C1orf226: variants seen among roughly 807,000 people sequenced by gnomAD.
C1orf226 encodes chromosome 1 open reading frame 226.
C1orf226 carries 4 observed loss-of-function variants against 10.5 expected under a neutral mutation model. The observed-to-expected ratio is 0.38, with a 90% CI of 0.19 to 0.87. The LOEUF (loss-of-function observed/expected upper bound fraction) is 0.87, where lower values mean the gene tolerates loss of function less well. Among genes scored for constraint, C1orf226 ranks in the 40% least tolerant of loss-of-function variants. C1orf226 has a pLI of 0.41. For synonymous variants in C1orf226, 125 were observed against 139.3 expected, an observed-to-expected ratio of 0.90 and a Z score of 0.72; for missense variants, 313 against 336.2, an observed-to-expected ratio of 0.93 and a Z score of 0.54.
Position 162,381,926 on chromosome 1 carries a change from C to T in C1orf226, c.25C>T (p.Leu9Phe). The change falls in exon 1 of 2, where the codon CTC becomes TTC. Residue 9 changes from leucine (L) to phenylalanine (F), a missense_variant. Physicochemically the swap from Leu to Phe is conservative, Grantham distance 22 (BLOSUM62 0). Coordinates refer to ENST00000458626, the MANE Select transcript of C1orf226 (RefSeq NM_001085375.2). MFENLNTA[L>F]TPKLQASRSF... ...CATGTTTGAGAATTTGAACACAGCC[C>T]TCACTCCAAAGCTCCAGGCCAGCCG... The T allele has an allele frequency of 6.2e-7, 1 of 1,612,878 alleles. No individual in the cohort carries two copies. Among genetic ancestry groups the T allele is most frequent in the Non-Finnish European group, 8.5e-7 (1 of 1,179,882 alleles).
In C1orf226 at chr1:162,386,597, A is replaced by G. The variant is rs2101850721; in HGVS notation, c.*2914A>G. ...GCAGGAGGCTGGTGTATCCCCCTGC[A>G]CAGAGGGAAGTGTATCTGAATGTTG... On this transcript the variant is annotated 3_prime_UTR_variant, in exon 2 of 2. Transcript: ENST00000458626. The G allele has an allele frequency of 6.6e-6, 1 of 152,384 alleles. No individual in the cohort carries two copies. The highest frequency in any genetic ancestry group is 1.9e-4 in the East Asian group (1 of 5,182). The allele number at this position is 152,384 out of a possible 1,614,324, so 9.4% of individuals were successfully genotyped here.
At chr1:162,380,556 C>T (rs1321349533), upstream of C1orf226, among the ~76,000 whole-genome samples, 1 of 152,226 alleles carries the variant, frequency 6.6e-6, no homozygotes, top group East Asian at 1.9e-4. Flanking sequence ...CAGAGGTGTT[C>T]ACAAGGAAAG....
Position 162,383,345 on chromosome 1 carries a change from G to A in C1orf226, c.481G>A (p.Asp161Asn), listed in dbSNP as rs758152587. The A allele has an allele frequency of 6.2e-6, 10 of 1,607,400 alleles. No homozygotes were observed. In the South Asian group the frequency reaches 1.1e-4, roughly 18 times the overall value. Residue 161 changes from aspartate to asparagine, a missense_variant, in exon 2 of 2, where the codon GAC becomes AAC. Coordinates refer to ENST00000458626, the MANE Select transcript of C1orf226 (RefSeq NM_001085375.2). ...AGAGCCATCACCTGGGCAGGCCCAG[G>A]ACTCCGCTCCCACTGCCCAGCCTGA... Reference protein sequence around the residue: ...GTEPSPGQAQDSAPTAQPDVP... With the variant: ...GTEPSPGQAQNSAPTAQPDVP...
upstream of C1orf226, among the ~76,000 whole-genome samples, chr1:162,380,813 C>T (rs1354274040): frequency 6.6e-6 from 1 of 152,184 alleles, no homozygotes; most frequent in Non-Finnish European, 1.5e-5. Flanking sequence ...CCTTGGCCAC[C>T]ACAATTTTCT....
At position 162,381,778 on chromosome 1, in the gene C1orf226, A is replaced by C. The variant is rs1308601585; in HGVS notation, c.-124A>C. On this transcript the variant is annotated 5_prime_UTR_variant, in exon 1 of 2. Transcript: ENST00000458626. ...TGCTGGCTCTTTCTTGAATATTTCC[A>C]AAGCCTTGGAAGTTACAGGTTTTGG... is the stretch of plus-strand genomic sequence containing the variant. 29 of 1,495,418 alleles carry C rather than the reference A, an allele frequency of 1.9e-5. No homozygotes were observed. The highest frequency in any genetic ancestry group is 2.6e-5 in the Non-Finnish European group (29 of 1,127,642). 92.6% of individuals were successfully genotyped at this position (1,495,418 alleles called of 1,614,324 possible). A position where few individuals can be genotyped will look rare whatever the true frequency, so the allele number is the denominator to read the frequency against.
Position 162,381,835 on chromosome 1 carries a change from C to G in C1orf226, c.-67C>G. 6.3e-7 allele frequency: 1 copy of G among 1,588,144 alleles called. No individual in the cohort carries two copies. The highest frequency in any genetic ancestry group is 8.5e-7 in the Non-Finnish European group (1 of 1,171,460). Reference sequence around the variant, plus strand: ...GATAAGGAAAAACTGAATGATAGAGCACAGGTACCGCTCCCCTTTCCTCAT... The same window carrying G: ...GATAAGGAAAAACTGAATGATAGAGGACAGGTACCGCTCCCCTTTCCTCAT... On this transcript the variant is annotated 5_prime_UTR_variant, in exon 1 of 2. Transcript: ENST00000458626.
In C1orf226 at chr1:162,382,197, A is replaced by T; in HGVS notation, c.296A>T (p.Glu99Val). Reference sequence around the variant, plus strand: ...GCCAGTGGGACTGACGCGGCTCCAGAGGCTTGGCTAGAGGATGAAAGGTGA... The same window carrying T: ...GCCAGTGGGACTGACGCGGCTCCAGTGGCTTGGCTAGAGGATGAAAGGTGA... ...QLASGTDAAP[E>V]AWLEDERSVL... The change falls in exon 1 of 2, where the codon GAG becomes GTG. Residue 99 changes from glutamate (E) to valine (V), a missense_variant. Coordinates refer to ENST00000458626, the MANE Select transcript of C1orf226 (RefSeq NM_001085375.2). 1 of 1,575,174 alleles carries T rather than the reference A, an allele frequency of 6.3e-7. No homozygotes were observed. Among genetic ancestry groups the T allele is most frequent in the Non-Finnish European group, 8.6e-7 (1 of 1,161,310 alleles).
Position 162,385,034 on chromosome 1 carries a change from G to A in C1orf226, c.*1351G>A, listed in dbSNP as rs943850872. 3 of 152,634 alleles carry A rather than the reference G, an allele frequency of 2.0e-5. No individual in the cohort carries two copies. Among genetic ancestry groups the A allele is most frequent in the African/African-American group, 4.8e-5 (2 of 41,426 alleles). The allele number at this position is 152,634 out of a possible 1,614,324, so 9.5% of individuals were successfully genotyped here. A position where few individuals can be genotyped will look rare whatever the true frequency, so the allele number is the denominator to read the frequency against. ...TCCTGTGACCAGCAGATCCTGTAAGGGGGTGATCCTAATTCTGGGGCTCTT... is the reference window on the plus strand; with the variant it reads ...TCCTGTGACCAGCAGATCCTGTAAGAGGGTGATCCTAATTCTGGGGCTCTT... On this transcript the variant is annotated 3_prime_UTR_variant, in exon 2 of 2. Transcript: ENST00000458626.
At position 162,383,867 on chromosome 1, in the gene C1orf226, A is replaced by G; in HGVS notation, c.*184A>G. 1 of 621,578 alleles carries G rather than the reference A, an allele frequency of 1.6e-6. No homozygotes were observed. Among genetic ancestry groups the G allele is most frequent in the Non-Finnish European group, 2.7e-6 (1 of 366,424 alleles). The allele number at this position is 621,578 out of a possible 1,614,324, so 38.5% of individuals were successfully genotyped here. ...TGGAAGTCCTTGAGTAGTTCTAGTT[A>G]AAGAGTCTATCCGCAGAATGGCTGA... On this transcript the variant is annotated 3_prime_UTR_variant, in exon 2 of 2. Coordinates refer to ENST00000458626, the MANE Select transcript of C1orf226 (RefSeq NM_001085375.2).
chr1:162,383,009 T>C (rs952335720), intron 1 of C1orf226, among the ~76,000 whole-genome samples, 173 bp from the exon 2 acceptor site: 1 of 152,210 alleles, frequency 6.6e-6, no homozygotes, highest in Non-Finnish European at 1.5e-5. Context: ...GCTACTGTTA[T>C]GCTGAAATTG....
Sources: allele counts gnomAD v4.1 joint callset (sites outside exome capture counted in the v4.1 genomes callset), GRCh38; gene constraint gnomAD v4.1.1; transcripts MANE v1.5; gene names NCBI Gene and HGNC (gene_info 2026-07-23, HGNC 2026-07-21).